EYS: variants seen among roughly 807,000 people sequenced by gnomAD.
EYS encodes the protein EGF-like photoreceptor maintenance factor.
In EYS, 250 loss-of-function variants were observed where a neutral mutation model predicts 282.1. The observed-to-expected ratio is 0.89, with a 90% CI of 0.80 to 0.98. EYS has a LOEUF of 0.98. EYS is among the 50% of genes least tolerant of loss of function. The pLI, the probability that EYS is intolerant of heterozygous loss-of-function variation, is 0.00. For missense variants in EYS, 4,016 were observed against 3,709.0 expected (o/e 1.08, Z -2.15); for synonymous variants, 1,355 against 1,282.9 (o/e 1.06, Z -1.20).
intron 28 of EYS, among the ~76,000 whole-genome samples, chr6:64,401,288 G>A (rs760071401): frequency 4.6e-5 from 7 of 151,944 alleles, no homozygotes; most frequent in Non-Finnish European, 1.0e-4. Context: ...TAACAAAATT[G>A]TTCTTAATTG....
At chr6:65,690,441 T>C (rs2149844276) in intron 1 of EYS, among the ~76,000 whole-genome samples, 1 of 149,868 alleles carries the variant, frequency 6.7e-6, no homozygotes, top group East Asian at 2.3e-4. Flanking sequence ...CGCATTCCAT[T>C]CCCAGAGCTA....
chr6:64,295,228 T>C (rs993929266), intron 30 of EYS, among the ~76,000 whole-genome samples: 1 of 147,802 alleles, frequency 6.8e-6, no homozygotes, highest in Non-Finnish European at 1.5e-5. Flanking sequence ...TTTAAAAAAT[T>C]AGCCGTTTTT....
chr6:65,192,119 C>T (rs531476535), intron 12 of EYS, among the ~76,000 whole-genome samples: 16 of 151,710 alleles, frequency 1.1e-4, no homozygotes, highest in South Asian at 2.1e-4. Flanking sequence ...GTTAGAAGCT[C>T]AGTATGATTA....
intron 19 of EYS, among the ~76,000 whole-genome samples, chr6:64,869,968 T>C (rs1031820046): frequency 9.2e-5 from 14 of 151,750 alleles, no homozygotes; most frequent in African/African-American, 3.4e-4. Context: ...ATGGCTATTA[T>C]TTCAACTGAA....
rs140291467 is a variant in EYS at position 64,811,071 on chromosome 6, C to A, written c.3443+2307G>T. On this transcript the variant is annotated intron_variant, in intron 22 of 42. Coordinates refer to ENST00000503581, the MANE Select transcript of EYS (RefSeq NM_001142800.2). ...TATGGATTAACCCTTAACCCATGAA[C>A]AAATCTCATAATTTGACTTGAAAAG... Among the ~76,000 whole-genome samples the A allele has an allele frequency of 9.6e-3, 1,460 of 152,054 alleles. 12 individuals carry two copies. Among genetic ancestry groups the A allele is most frequent in the Middle Eastern group, 0.031 (9 of 294 alleles).
intron 8 of EYS, among the ~76,000 whole-genome samples, chr6:65,372,417 C>A (rs1765194105): frequency 6.6e-6 from 1 of 152,050 alleles, no homozygotes; most frequent in African/African-American, 2.4e-5. Flanking sequence ...ATGCCTGAAT[C>A]ATTGCAGTAA....
chr6:64,887,485 T>C (rs1767134515), intron 18 of EYS, among the ~76,000 whole-genome samples: 1 of 151,984 alleles, frequency 6.6e-6, no homozygotes, highest in South Asian at 2.1e-4. Context: ...ATTAAACTGA[T>C]CGAAACTGTA....
chr6:64,952,382 A>G (rs9345572), intron 14 of EYS, among the ~76,000 whole-genome samples: 10,209 of 152,058 alleles, frequency 0.067, 436 homozygotes, highest in East Asian at 0.13. Flanking sequence ...TTCAAGGCAC[A>G]TCAGAAATAA....
At chr6:64,972,035 G>C (rs182882262) in intron 14 of EYS, among the ~76,000 whole-genome samples, 1 of 152,044 alleles carries the variant, frequency 6.6e-6, no homozygotes, top group Non-Finnish European at 1.5e-5. Flanking sequence ...ATGGTCAGGG[G>C]GTAAAGCGTT....
intron 26 of EYS, among the ~76,000 whole-genome samples, chr6:64,455,098 G>A (rs906868853): frequency 6.6e-6 from 1 of 152,052 alleles, no homozygotes; most frequent in South Asian, 2.1e-4. Context: ...TGTGTGTGGA[G>A]ACAGGATCTC....
chr6:64,427,720 AGAAAGCACAT>A (rs1774453561), intron 28 of EYS, among the ~76,000 whole-genome samples: 1 of 152,144 alleles, frequency 6.6e-6, no homozygotes, highest in Non-Finnish European at 1.5e-5. Flanking sequence ...ACATAGAATG[AGAAAGCACAT>A]GAAAGCAACC....
intron 22 of EYS, among the ~76,000 whole-genome samples, chr6:64,655,837 C>T (rs1316286025): frequency 6.6e-6 from 1 of 151,956 alleles, no homozygotes; most frequent in African/African-American, 2.4e-5. Flanking sequence ...TGAATGCATA[C>T]ATCAAAATAA....
chr6:63,748,203 A>C (rs1316519062), intron 41 of EYS, among the ~76,000 whole-genome samples: 1 of 152,128 alleles, frequency 6.6e-6, no homozygotes, highest in Non-Finnish European at 1.5e-5. Flanking sequence ...ATGGACACTT[A>C]GGTTGATTAT....
intron 22 of EYS, among the ~76,000 whole-genome samples, chr6:64,652,325 G>T (rs1288564432): frequency 6.6e-6 from 1 of 152,184 alleles, no homozygotes; most frequent in African/African-American, 2.4e-5. Context: ...CTCTGATGGG[G>T]CACAGAAAGG....
chr6:63,798,639 G>A (rs1489150486), intron 37 of EYS, among the ~76,000 whole-genome samples: 3 of 152,100 alleles, frequency 2.0e-5, no homozygotes, highest in Non-Finnish European at 4.4e-5. Flanking sequence ...AGAACAGGCT[G>A]AGCTGATTGC....
intron 26 of EYS, among the ~76,000 whole-genome samples, chr6:64,453,611 T>G (rs1165995656): frequency 6.6e-6 from 1 of 152,178 alleles, no homozygotes; most frequent in Non-Finnish European, 1.5e-5. Flanking sequence ...CCAACCCAAA[T>G]GTCCAACAAT....
chr6:64,643,117 C>CT (rs1272679695), intron 22 of EYS, among the ~76,000 whole-genome samples: 1 of 118,066 alleles, frequency 8.5e-6, no homozygotes, highest in Admixed American at 9.4e-5. Flanking sequence ...CTCCATCCCC[C>CT]CCCCCAAAAA....
intron 31 of EYS, among the ~76,000 whole-genome samples, chr6:64,197,110 A>G (rs141629658): frequency 2.2e-3 from 340 of 152,288 alleles, no homozygotes; most frequent in African/African-American, 7.6e-3. Context: ...CAGAGATTCA[A>G]TAAAAGTTGT....
intron 29 of EYS, among the ~76,000 whole-genome samples, chr6:64,311,920 G>A (rs1236940660): frequency 6.6e-6 from 1 of 151,452 alleles, no homozygotes; most frequent in Non-Finnish European, 1.5e-5. Context: ...CCAGGGCCCT[G>A]GGTTTCAAGC....
Sources: gnomAD v4.1 joint callset for allele counts (sites outside exome capture counted in the v4.1 genomes callset) on GRCh38, gnomAD v4.1.1 for gene constraint, MANE v1.5 for transcripts, NCBI Gene and HGNC (gene_info 2026-07-23, HGNC 2026-07-21) for gene names.